CFAP61: variants seen among roughly 807,000 people sequenced by gnomAD.
CFAP61 encodes cilia and flagella associated protein 61.
A neutral mutation model predicts 135.6 loss-of-function variants in CFAP61; 107 were observed. That is an observed-to-expected ratio of 0.79 (90% CI 0.67 to 0.93). CFAP61 has a LOEUF of 0.93. CFAP61 is among the 40% of genes least tolerant of loss of function. CFAP61 has a pLI of 0.00. For missense variants in CFAP61, 1,507 were observed against 1,556.2 expected (o/e 0.97, Z 0.53); for synonymous variants, 575 against 578.5 (o/e 0.99, Z 0.09).
At chr20:20,170,283 A>T (rs1169295149) in intron 13 of CFAP61, among the ~76,000 whole-genome samples, 2 of 152,238 alleles carry the variant, frequency 1.3e-5, no homozygotes, top group Admixed American at 1.3e-4. Flanking sequence ...GTCTTATACT[A>T]TACCAAGTTT....
At chr20:20,149,166 A>C (rs2146768664) in intron 9 of CFAP61, among the ~76,000 whole-genome samples, 1 of 152,362 alleles carries the variant, frequency 6.6e-6, no homozygotes, top group South Asian at 2.1e-4. Flanking sequence ...CAGTTTACCA[A>C]GATAGACCAT....
At chr20:20,059,771 A>C (rs911665732) in intron 2 of CFAP61, among the ~76,000 whole-genome samples, 1 of 152,218 alleles carries the variant, frequency 6.6e-6, no homozygotes, top group Non-Finnish European at 1.5e-5. Context: ...TGAAGACAGA[A>C]GTAATGAGCT....
chr20:20,186,849 T>C lies in CFAP61; in HGVS notation c.1386-1081T>C, dbSNP rs558109108. 1.4e-4 allele frequency among the ~76,000 whole-genome samples: 21 copies of C among 152,346 alleles called. 1 individual carries two copies. The South Asian group carries it at 3.9e-3, about 29-fold the overall frequency. ...CACGAGGAGGAATGGCATTGTCCCA[T>C]TGAGTAATAATACCCTAGTAACTGC... On this transcript the variant is annotated intron_variant, in intron 13 of 26. Transcript: ENST00000245957.
intron 10 of CFAP61, among the ~76,000 whole-genome samples, chr20:20,162,498 G>A (rs1439858507): frequency 1.3e-5 from 2 of 152,078 alleles, no homozygotes; most frequent in African/African-American, 4.8e-5. Flanking sequence ...CCCATGAAGT[G>A]CCCCAGTTAG....
In CFAP61 at chr20:20,283,708, A is replaced by G. The variant is rs183158762; in HGVS notation, c.2797-4901A>G. ...ATAGTAATAGAAGTTAATTCCTTGC[A>G]GCTGAGGACAGAGGTCCCCACTTCC... is the stretch of plus-strand genomic sequence containing the variant. On this transcript the variant is annotated intron_variant, in intron 22 of 26. Coordinates refer to ENST00000245957, the MANE Select transcript of CFAP61 (RefSeq NM_015585.4). Among the ~76,000 whole-genome samples the G allele has an allele frequency of 2.0e-5, 3 of 152,344 alleles. No homozygotes were observed. In the East Asian group the frequency reaches 5.8e-4, roughly 29 times the overall value.
At chr20:20,176,094 T>C (rs2054607295) in intron 13 of CFAP61, among the ~76,000 whole-genome samples, 1 of 151,098 alleles carries the variant, frequency 6.6e-6, no homozygotes, top group African/African-American at 2.4e-5. Context: ...CCAACAAACA[T>C]GAAAAAAAGC....
At chr20:20,096,541 C>T (rs1225274664) in intron 7 of CFAP61, among the ~76,000 whole-genome samples, 2 of 152,266 alleles carry the variant, frequency 1.3e-5, no homozygotes, top group Non-Finnish European at 2.9e-5. Context: ...CATACACATG[C>T]AGCTCGCTGT....
At position 20,070,782 on chromosome 20, in the gene CFAP61, GA is replaced by G. The variant is rs564774352; in HGVS notation, c.144-65del. The stretch of plus-strand genomic sequence containing the variant: ...GCTGCTGAGCTCCAGTAGCCAGAGG[GA>G]AAAAAATGGCATGTCCTCACCTCAC... On this transcript the variant is annotated intron_variant, in intron 2 of 26. Transcript: ENST00000245957. 525 of 1,454,718 alleles carry G rather than the reference GA, an allele frequency of 3.6e-4. 3 individuals are homozygous for G. The African/African-American group carries it at 6.6e-3, about 18-fold the overall frequency. The allele number at this position is 1,454,718 out of a possible 1,614,324, so 90.1% of individuals were successfully genotyped here.
At chr20:20,337,592 A>G (rs796822034) in intron 25 of CFAP61, among the ~76,000 whole-genome samples, 4 of 23,202 alleles carry the variant, frequency 1.7e-4, no homozygotes, top group African/African-American at 1.4e-4. Context: ...ATGTGGGTGG[A>G]TGGATGGATG....
chr20:20,318,268 C>T (rs1044075881), intron 25 of CFAP61, among the ~76,000 whole-genome samples: 2 of 152,134 alleles, frequency 1.3e-5, no homozygotes, highest in South Asian at 4.1e-4. Context: ...TGCAACAGCT[C>T]AATCTGCAGC....
intron 6 of CFAP61, among the ~76,000 whole-genome samples, chr20:20,090,039 A>G (rs1402440871): frequency 6.6e-6 from 1 of 152,216 alleles, no homozygotes; most frequent in Admixed American, 6.5e-5. Context: ...GTTTTTAGGC[A>G]TTGGAATTCT....
intron 20 of CFAP61, among the ~76,000 whole-genome samples, chr20:20,254,224 T>C (rs996615278): frequency 1.4e-5 from 2 of 138,414 alleles, no homozygotes; most frequent in African/African-American, 5.4e-5. Context: ...TCAAAGGGTA[T>C]AAAAGGATAT....
intron 2 of CFAP61, among the ~76,000 whole-genome samples, chr20:20,057,043 A>G (rs1157610255): frequency 6.6e-6 from 1 of 151,354 alleles, no homozygotes; most frequent in African/African-American, 2.4e-5. Flanking sequence ...GCTTGAACAC[A>G]AGAGGCAGAG....
At chr20:20,152,324 G>A (rs1198970626) in intron 9 of CFAP61, among the ~76,000 whole-genome samples, 2 of 151,118 alleles carry the variant, frequency 1.3e-5, no homozygotes, top group Admixed American at 1.3e-4. Flanking sequence ...AAACACCAAA[G>A]TATTCAGGCA....
chr20:20,355,437 G>A (rs577653360), intron 26 of CFAP61, among the ~76,000 whole-genome samples: 506 of 5,950 alleles, frequency 0.085, 49 homozygotes, highest in Middle Eastern at 0.5. Flanking sequence ...GAGGGGAGGT[G>A]GTCACACTGT....
At position 20,130,856 on chromosome 20, in the gene CFAP61, G is replaced by A. The variant is rs1298138752; in HGVS notation, c.860-12001G>A. Among the ~76,000 whole-genome samples the A allele has an allele frequency of 1.3e-5, 2 of 151,798 alleles. 1 individual carries two copies. The highest frequency in any genetic ancestry group is 4.9e-5 in the African/African-American group (2 of 41,098). ...TACAGAGCAGAATTTCCATGGCTGA[G>A]GATGATAGTCCCACCTCCCCACTTT... On this transcript the variant is annotated intron_variant, in intron 8 of 26. Transcript: ENST00000245957.
chr20:20,285,314 T>C (rs1231934281), intron 22 of CFAP61, among the ~76,000 whole-genome samples: 1 of 151,990 alleles, frequency 6.6e-6, no homozygotes, highest in Non-Finnish European at 1.5e-5. Flanking sequence ...TGTTTGGCGT[T>C]CACTGAACTT....
intron 25 of CFAP61, chr20:20,322,953 G>T (rs1189908780): frequency 2.0e-6 from 2 of 985,286 alleles, no homozygotes; most frequent in Non-Finnish European, 2.4e-6. Context: ...TGGTTTCCAG[G>T]GTTGAGACTG....
chr20:20,071,870 A>C (rs1336200884), intron 3 of CFAP61, among the ~76,000 whole-genome samples: 1 of 152,192 alleles, frequency 6.6e-6, no homozygotes, highest in Admixed American at 6.5e-5. Context: ...TATTGTCAGA[A>C]AAATTATCGC....
Sources: gnomAD v4.1 joint callset for allele counts (sites outside exome capture counted in the v4.1 genomes callset) on GRCh38, gnomAD v4.1.1 for gene constraint, MANE v1.5 for transcripts, NCBI Gene and HGNC (gene_info 2026-07-23, HGNC 2026-07-21) for gene names.